Variants in GLT1D1 observed in about 807,000 individuals in gnomAD.
GLT1D1 encodes glycosyltransferase 1 domain-containing protein 1.
A neutral mutation model predicts 28.7 loss-of-function variants in GLT1D1; 21 were observed. The observed-to-expected ratio is 0.73, with a 90% confidence interval of 0.52 to 1.05. The LOEUF (loss-of-function observed/expected upper bound fraction) is 1.05, where lower values mean the gene tolerates loss of function less well. GLT1D1 is among the 50% of genes least tolerant of loss of function. The pLI is 0.00. For missense variants in GLT1D1, 343 were observed against 330.6 expected, an observed-to-expected ratio of 1.04 and a Z score of -0.29; for synonymous variants, 147 against 124.8, an observed-to-expected ratio of 1.18 and a Z score of -1.19.
intron 4 of GLT1D1, among the ~76,000 whole-genome samples, chr12:128,903,320 C>G (rs542870091): frequency 6.6e-6 from 1 of 151,756 alleles, no homozygotes; most frequent in Admixed American, 6.6e-5. Flanking sequence ...GTTTTAGGCT[C>G]GGCAGGAAGA....
chr12:128,900,609 G>T (rs2135855783), intron 4 of GLT1D1, among the ~76,000 whole-genome samples: 1 of 151,576 alleles, frequency 6.6e-6, no homozygotes, highest in East Asian at 1.9e-4. Flanking sequence ...CAGGCATCCT[G>T]GTTTCCAGTT....
chr12:128,934,198 CTTTTT>C (rs1228657723), intron 4 of GLT1D1, among the ~76,000 whole-genome samples: 1 of 73,414 alleles, frequency 1.4e-5, no homozygotes, highest in African/African-American at 4.4e-5. Flanking sequence ...AAGAGACAGT[CTTTTT>C]TTTTTTTTTT....
At chr12:128,923,597 C>T (rs1872871537) in intron 4 of GLT1D1, among the ~76,000 whole-genome samples, 1 of 151,730 alleles carries the variant, frequency 6.6e-6, no homozygotes, top group African/African-American at 2.4e-5. Context: ...TCTCTGCTTA[C>T]TGCAACCTCC....
At chr12:128,873,567 T>C (rs1956752882) in intron 1 of GLT1D1, among the ~76,000 whole-genome samples, 1 of 152,210 alleles carries the variant, frequency 6.6e-6, no homozygotes, top group African/African-American at 2.4e-5. Context: ...TCACAGGGTT[T>C]GTGCATTTAA....
intron 4 of GLT1D1, among the ~76,000 whole-genome samples, chr12:128,933,991 C>T (rs191772222): frequency 2.0e-4 from 30 of 152,206 alleles, no homozygotes; most frequent in African/African-American, 6.7e-4. Flanking sequence ...AGATTTAACA[C>T]CCTGAATCTC....
chr12:128,922,892 C>T (rs1025052498), intron 4 of GLT1D1, among the ~76,000 whole-genome samples: 11 of 142,610 alleles, frequency 7.7e-5, no homozygotes, highest in Non-Finnish European at 1.5e-4. Flanking sequence ...CACTGCACTC[C>T]AGCCTGGGCT....
intron 4 of GLT1D1, 57 bp downstream of exon 5, chr12:128,912,517 A>G: frequency 1.2e-6 from 1 of 817,208 alleles, no homozygotes; most frequent in Non-Finnish European, 1.9e-6. Context: ...TGAATATATC[A>G]AAATAGATGC....
At chr12:128,900,291 T>C (rs1870105419) in intron 4 of GLT1D1, among the ~76,000 whole-genome samples, 1 of 152,308 alleles carries the variant, frequency 6.6e-6, no homozygotes, top group East Asian at 1.9e-4. Context: ...GTTATTCCTG[T>C]TGGTTGGGAG....
At chr12:128,940,117 G>T (rs905899332) in intron 4 of GLT1D1, among the ~76,000 whole-genome samples, 4 of 151,782 alleles carry the variant, frequency 2.6e-5, no homozygotes, top group African/African-American at 9.7e-5. Context: ...TATTGGTGGT[G>T]GGATCTGTAT....
At chr12:128,878,246 C>T (rs999158045) in intron 2 of GLT1D1, among the ~76,000 whole-genome samples, 1 of 152,128 alleles carries the variant, frequency 6.6e-6, no homozygotes, top group African/African-American at 2.4e-5. Context: ...AATGGAAGCC[C>T]ACCGCTGAAT....
At chr12:128,963,436 C>T (rs1182500145) in intron 7 of GLT1D1, among the ~76,000 whole-genome samples, 2 of 152,060 alleles carry the variant, frequency 1.3e-5, no homozygotes, top group Non-Finnish European at 2.9e-5. Flanking sequence ...CACTTGAGGT[C>T]AGGAGTTCGA....
intron 7 of GLT1D1, among the ~76,000 whole-genome samples, chr12:128,968,714 G>A (rs1593203339): frequency 6.6e-6 from 1 of 152,194 alleles, no homozygotes; most frequent in East Asian, 1.9e-4. Context: ...AGCAGCATAG[G>A]GACAGCCTGC....
chr12:128,929,457 C>CT (rs1873637515), intron 4 of GLT1D1, among the ~76,000 whole-genome samples: 1 of 152,172 alleles, frequency 6.6e-6, no homozygotes, highest in African/African-American at 2.4e-5. Flanking sequence ...TTTCCGGTCC[C>CT]TAAAGCAGCA....
chr12:128,918,411 C>T (rs1566131850), intron 4 of GLT1D1, among the ~76,000 whole-genome samples: 1 of 152,126 alleles, frequency 6.6e-6, no homozygotes, highest in South Asian at 2.1e-4. Context: ...AGCAAACCAC[C>T]ATGGCACACG....
At chr12:128,943,509 G>A (rs983235460) in intron 4 of GLT1D1, among the ~76,000 whole-genome samples, 9 of 152,126 alleles carry the variant, frequency 5.9e-5, no homozygotes, top group Admixed American at 5.2e-4. Context: ...ATTACATTTT[G>A]TTGAAAATTC....
intron 2 of GLT1D1, among the ~76,000 whole-genome samples, chr12:128,881,208 A>G (rs1365041470): frequency 2.5e-5 from 3 of 118,644 alleles, no homozygotes; most frequent in Non-Finnish European, 5.1e-5. Context: ...TGGGCGACAG[A>G]GCGAGACTCC....
intron 2 of GLT1D1, among the ~76,000 whole-genome samples, chr12:128,883,257 G>A (rs543453364): frequency 6.6e-6 from 1 of 151,498 alleles, no homozygotes; most frequent in Admixed American, 6.6e-5. Context: ...TTAGGCTTGA[G>A]CCTAATAAGG....
chr12:128,979,159 G>T (rs1880082849), intron 7 of GLT1D1, among the ~76,000 whole-genome samples: 1 of 152,200 alleles, frequency 6.6e-6, no homozygotes, highest in South Asian at 2.1e-4. Flanking sequence ...AATCTCAGTG[G>T]CCAGACTTGG....
At chr12:128,913,467 C>T (rs1487574732) in intron 4 of GLT1D1, among the ~76,000 whole-genome samples, 4 of 152,184 alleles carry the variant, frequency 2.6e-5, no homozygotes, top group South Asian at 2.1e-4. Context: ...GTGATCTGTC[C>T]GCCTTGGCCT....
Sources: allele counts gnomAD v4.1 joint callset (sites outside exome capture counted in the v4.1 genomes callset), GRCh38; gene constraint gnomAD v4.1.1; transcripts MANE v1.5; gene names NCBI Gene and HGNC (gene_info 2026-07-23, HGNC 2026-07-21).